The following DTWD2 variants were observed in gnomAD, a reference collection of about 807,000 sequenced individuals.
DTWD2 encodes the protein tRNA-uridine aminocarboxypropyltransferase 2.
DTWD2 carries 39 observed loss-of-function variants against 31.8 expected under a neutral mutation model. That is an observed-to-expected ratio of 1.22 (90% CI 0.95 to 1.60). The LOEUF is 1.60. DTWD2 is among the 40% of genes most tolerant of loss of function. The pLI is 0.00. For missense variants in DTWD2, 515 were observed against 381.5 expected, an observed-to-expected ratio of 1.35 and a Z score of -2.92; for synonymous variants, 180 against 142.8, an observed-to-expected ratio of 1.26 and a Z score of -1.86.
At position 118,887,295 on chromosome 5, in the gene DTWD2, CTATAG is replaced by C. The variant is rs938198678; in HGVS notation, c.598-39082_598-39078del. On this transcript the variant is annotated intron_variant, in intron 4 of 5. Transcript: ENST00000510708. ...ACCCTAATAAAGTTAGTCCATGGCT[CTATAG>C]AGTGATTCACAGAGATTCCCAGCTC... Among the ~76,000 whole-genome samples the C allele has an allele frequency of 7.9e-5, 12 of 152,166 alleles. No homozygotes were observed. In the South Asian group the frequency reaches 2.1e-3, roughly 26 times the overall value.
At chr5:118,883,500 A>G (rs936811608) in intron 4 of DTWD2, among the ~76,000 whole-genome samples, 11 of 152,296 alleles carry the variant, frequency 7.2e-5, no homozygotes, top group Middle Eastern at 3.4e-3. Context: ...TCACATTGCT[A>G]TAAAGACACT....
At chr5:118,987,021 A>C (rs777971735) in intron 1 of DTWD2, among the ~76,000 whole-genome samples, 5 of 152,214 alleles carry the variant, frequency 3.3e-5, no homozygotes, top group Non-Finnish European at 5.9e-5. Flanking sequence ...AATCTCTGCT[A>C]AACAGATTTT....
rs184246461 is a variant in DTWD2, at chr5:118,896,486, C to A, written c.597+32051G>T. On this transcript the variant is annotated intron_variant, in intron 4 of 5. Transcript: ENST00000510708. ...GGATAGAAAAAAAAAAACATTAATT[C>A]TCTTACAAACATAAGAGCCAAAAAA... 1.4e-4 allele frequency among the ~76,000 whole-genome samples: 21 copies of A among 151,756 alleles called. No individual in the cohort carries two copies. In the Middle Eastern group the frequency reaches 0.01, roughly 74 times the overall value.
At chr5:118,939,169 T>C in intron 3 of DTWD2, 27 bp downstream of exon 3, 1 of 1,578,132 alleles carries the variant, frequency 6.3e-7, no homozygotes, top group African/African-American at 1.4e-5. Context: ...AAAAGAATTA[T>C]TTACATTGCC....
intron 4 of DTWD2, among the ~76,000 whole-genome samples, chr5:118,865,864 C>T (rs1183172633): frequency 6.6e-6 from 1 of 152,080 alleles, no homozygotes; most frequent in African/African-American, 2.4e-5. Flanking sequence ...TTTTGATTTG[C>T]AACACATACT....
chr5:118,882,093 C>A (rs1462413276), intron 4 of DTWD2, among the ~76,000 whole-genome samples: 3 of 152,198 alleles, frequency 2.0e-5, no homozygotes, highest in African/African-American at 7.2e-5. Flanking sequence ...TTAGTTACTT[C>A]CAAGATACAA....
chr5:118,970,470 CT>C (rs1754959406), intron 1 of DTWD2, among the ~76,000 whole-genome samples: 1 of 152,096 alleles, frequency 6.6e-6, no homozygotes, highest in Non-Finnish European at 1.5e-5. Context: ...AACAAAAACT[CT>C]GAGAAATACA....
In DTWD2 at chr5:118,939,180, C is replaced by T. The variant is rs1304492490; in HGVS notation, c.404+16G>A. ...GTAGAAAAGAATTATTTACATTGCCCTAACAGTTAATTTACCTTTCTTCAC... is the reference window on the plus strand; with the variant it reads ...GTAGAAAAGAATTATTTACATTGCCTTAACAGTTAATTTACCTTTCTTCAC... On this transcript the variant is annotated intron_variant, in intron 3 of 5. Coordinates refer to ENST00000510708, the MANE Select transcript of DTWD2 (RefSeq NM_173666.4). The T allele has an allele frequency of 1.3e-6, 2 of 1,592,282 alleles. No homozygotes were observed. The highest frequency in any genetic ancestry group is 3.5e-5 in the Admixed American group (2 of 56,342).
In DTWD2 at chr5:118,986,611, C is replaced by A. The variant is rs145344780; in HGVS notation, c.218+1683G>T. 6.3e-3 allele frequency among the ~76,000 whole-genome samples: 955 copies of A among 152,180 alleles called. 11 individuals carry two copies. The highest frequency in any genetic ancestry group is 0.022 in the African/African-American group (900 of 41,536). ...AACCATAAATGTAAAGAAGTTCACCCAGGGTACTAGTAGAACTCTAATAGC... is the reference window on the plus strand; with the variant it reads ...AACCATAAATGTAAAGAAGTTCACCAAGGGTACTAGTAGAACTCTAATAGC... On this transcript the variant is annotated intron_variant, in intron 1 of 5. Transcript: ENST00000510708.
chr5:118,861,002 G>A (rs897718370), intron 4 of DTWD2, among the ~76,000 whole-genome samples: 7 of 152,098 alleles, frequency 4.6e-5, no homozygotes, highest in African/African-American at 1.7e-4. Context: ...AGTTAAGTCA[G>A]GATGAGAATT....
chr5:118,856,764 C>CTT (rs68175368), intron 4 of DTWD2, among the ~76,000 whole-genome samples: 1,356 of 44,320 alleles, frequency 0.031, 91 homozygotes, highest in African/African-American at 0.045. Flanking sequence ...TTGAGGCTTA[C>CTT]TTTTTTTTTT....
At chr5:118,876,116 A>G (rs1027397601) in intron 4 of DTWD2, among the ~76,000 whole-genome samples, 4 of 152,212 alleles carry the variant, frequency 2.6e-5, no homozygotes, top group Admixed American at 2.6e-4. Context: ...TTGGGTAAAT[A>G]ATGAAATGAA....
At chr5:118,919,517 A>C (rs1181497961) in intron 4 of DTWD2, among the ~76,000 whole-genome samples, 3 of 152,234 alleles carry the variant, frequency 2.0e-5, no homozygotes, top group African/African-American at 7.2e-5. Context: ...CCATTCATAC[A>C]TCCTTTAATG....
Position 118,988,318 on chromosome 5 carries a change from C to A in DTWD2, c.194G>T (p.Arg65Leu). The change falls in exon 1 of 6, where the codon CGG (arginine) becomes CTG (leucine). Residue 65 changes from arginine to leucine, a missense_variant. Coordinates refer to ENST00000510708, the MANE Select transcript of DTWD2 (RefSeq NM_173666.4). ...CCTGCAGCGGGTGCACTCAGGCCTCCGCTCGGCCGGCTCCACCGGCAGCTC... is the reference window on the plus strand; with the variant it reads ...CCTGCAGCGGGTGCACTCAGGCCTCAGCTCGGCCGGCTCCACCGGCAGCTC... ...LWELPVEPAE[R>L]RPECTRCSRP... 1 of 1,531,464 alleles carries A rather than the reference C, an allele frequency of 6.5e-7. No homozygotes were observed. Among genetic ancestry groups the A allele is most frequent in the Non-Finnish European group, 8.7e-7 (1 of 1,143,660 alleles). The allele number at this position is 1,531,464 out of a possible 1,614,324, so 94.9% of individuals were successfully genotyped here. A position where few individuals can be genotyped will look rare whatever the true frequency, so the allele number is the denominator to read the frequency against.
intron 4 of DTWD2, among the ~76,000 whole-genome samples, chr5:118,887,582 G>A (rs1752894343): frequency 6.6e-6 from 1 of 152,176 alleles, no homozygotes; most frequent in South Asian, 2.1e-4. Flanking sequence ...GTCTGAAGGG[G>A]AATGGTTGAA....
At chr5:118,965,809 C>A (rs1343416294) in intron 1 of DTWD2, among the ~76,000 whole-genome samples, 1 of 152,144 alleles carries the variant, frequency 6.6e-6, no homozygotes, top group Non-Finnish European at 1.5e-5. Context: ...CGGAAGGCCC[C>A]AGGGTCCTCT....
At chr5:118,960,176 T>C (rs1243135584) in intron 1 of DTWD2, among the ~76,000 whole-genome samples, 2 of 152,094 alleles carry the variant, frequency 1.3e-5, no homozygotes, top group African/African-American at 4.8e-5. Flanking sequence ...GAGAAAATAT[T>C]TGCAAACTAT....
intron 3 of DTWD2, among the ~76,000 whole-genome samples, chr5:118,937,576 C>T (rs1754073387): frequency 6.6e-6 from 1 of 152,124 alleles, no homozygotes; most frequent in South Asian, 2.1e-4. Flanking sequence ...ATCCAAAACC[C>T]AACACATCAC....
chr5:118,972,509 G>A (rs1755010156), intron 1 of DTWD2, among the ~76,000 whole-genome samples: 1 of 152,062 alleles, frequency 6.6e-6, no homozygotes, highest in African/African-American at 2.4e-5. Context: ...AGAAAGCCCA[G>A]GAAAGGATGA....
Sources: allele counts gnomAD v4.1 joint callset (sites outside exome capture counted in the v4.1 genomes callset), GRCh38; gene constraint gnomAD v4.1.1; transcripts MANE v1.5; gene names NCBI Gene and HGNC (gene_info 2026-07-23, HGNC 2026-07-21).